Variants in SULT2B1 observed in about 807,000 individuals in gnomAD.
The protein encoded by SULT2B1 is sulfotransferase 2B1.
In SULT2B1, 16 loss-of-function variants were observed where a neutral mutation model predicts 33.2. That is an observed-to-expected ratio of 0.48 (90% CI 0.33 to 0.73). The LOEUF (loss-of-function observed/expected upper bound fraction) is 0.73. SULT2B1 is among the 30% of genes least tolerant of loss of function. SULT2B1 has a pLI of 0.02. For missense variants in SULT2B1, 500 were observed against 506.0 expected, an observed-to-expected ratio of 0.99 and a Z score of 0.11; for synonymous variants, 186 against 200.5, an observed-to-expected ratio of 0.93 and a Z score of 0.61.
rs1555734562 is a variant in SULT2B1 at position 48,587,118 on chromosome 19, A to AAT, written c.215-110_215-109insTA. On this transcript the variant is annotated intron_variant, in intron 2 of 6. Transcript: ENST00000201586. The stretch of plus-strand genomic sequence containing the variant: ...CAGAGTAAGACTCTGTCTTAAAAAA[A>AAT]AATAATAAAAGGTGGCAAATTGCTC... 9.2e-3 allele frequency: 7,759 copies of AAT among 841,668 alleles called. 209 individuals are homozygous for AAT. The highest frequency in any genetic ancestry group is 0.075 in the African/African-American group (4,352 of 57,966). The allele number at this position is 841,668 out of a possible 1,614,324, so 52.1% of individuals were successfully genotyped here.
intron 1 of SULT2B1, among the ~76,000 whole-genome samples, chr19:48,558,144 C>T (rs909774124): frequency 1.3e-5 from 2 of 152,102 alleles, no homozygotes; most frequent in Non-Finnish European, 2.9e-5. Context: ...TAACTACTAT[C>T]ATCCCCTGTA....
chr19:48,554,398 T>G (rs1388018008), intron 1 of SULT2B1, among the ~76,000 whole-genome samples: 4 of 132,354 alleles, frequency 3.0e-5, no homozygotes, highest in East Asian at 2.2e-4. Flanking sequence ...TGGCCCCGAC[T>G]TCCCCCTCTG....
intron 3 of SULT2B1, among the ~76,000 whole-genome samples, chr19:48,589,429 G>A (rs1973614357): frequency 6.6e-6 from 1 of 152,138 alleles, no homozygotes; most frequent in Admixed American, 6.6e-5. Flanking sequence ...TGAGGGGAGA[G>A]ACTTGGGCTG....
At chr19:48,596,481 C>A (rs112059950) in intron 5 of SULT2B1, 4 of 344,782 alleles carry the variant, frequency 1.2e-5, no homozygotes, top group African/African-American at 9.2e-5. Context: ...CCTGCTGTGA[C>A]CTCTGCCCCC....
chr19:48,562,501 G>A (rs545620491), intron 1 of SULT2B1, among the ~76,000 whole-genome samples: 5 of 151,044 alleles, frequency 3.3e-5, no homozygotes, highest in African/African-American at 7.3e-5. Context: ...GCAGTGAGCC[G>A]AGATCACACC....
chr19:48,558,345 G>A (rs1285820038), intron 1 of SULT2B1, among the ~76,000 whole-genome samples: 1 of 152,130 alleles, frequency 6.6e-6, no homozygotes, highest in Non-Finnish European at 1.5e-5. Flanking sequence ...GTTAGCAGGC[G>A]CTCTGCGGTT....
intron 3 of SULT2B1, among the ~76,000 whole-genome samples, chr19:48,588,778 C>T (rs1156683347): frequency 6.6e-6 from 1 of 151,502 alleles, no homozygotes; most frequent in Non-Finnish European, 1.5e-5. Context: ...ATGGTGGGAG[C>T]CACAGAGGTT....
intron 2 of SULT2B1, among the ~76,000 whole-genome samples, chr19:48,580,430 T>G (rs986895255): frequency 6.6e-6 from 1 of 151,998 alleles, no homozygotes; most frequent in African/African-American, 2.4e-5. Context: ...CAGCTAATTT[T>G]TGTATTTTTA....
At chr19:48,561,566 C>T (rs931375378) in intron 1 of SULT2B1, among the ~76,000 whole-genome samples, 1 of 152,056 alleles carries the variant, frequency 6.6e-6, no homozygotes, top group Non-Finnish European at 1.5e-5. Context: ...TGAAGAGCCC[C>T]AGGCGACAGG....
At chr19:48,578,072 G>T (rs988479442) in intron 2 of SULT2B1, among the ~76,000 whole-genome samples, 1 of 151,614 alleles carries the variant, frequency 6.6e-6, no homozygotes, top group South Asian at 2.1e-4. Flanking sequence ...AATTAGCCAG[G>T]CGTGGTGGTG....
At chr19:48,554,736 T>C (rs1457817084) in intron 1 of SULT2B1, among the ~76,000 whole-genome samples, 1 of 131,288 alleles carries the variant, frequency 7.6e-6, no homozygotes, top group African/African-American at 2.8e-5. Context: ...CGATCTCGGC[T>C]CACTGCAACC....
At chr19:48,555,590 T>TCTCTCTCTC (rs60898646) in intron 1 of SULT2B1, among the ~76,000 whole-genome samples, 16 of 96,478 alleles carry the variant, frequency 1.7e-4, no homozygotes, top group African/African-American at 7.6e-4. Context: ...CTCTCTCTCT[T>TCTCTCTCTC]TTGAGACAGA....
At chr19:48,584,386 T>G (rs1243903414) in intron 2 of SULT2B1, among the ~76,000 whole-genome samples, 1 of 152,142 alleles carries the variant, frequency 6.6e-6, no homozygotes, top group Non-Finnish European at 1.5e-5. Flanking sequence ...CCCCTGTCCA[T>G]CACAAGATCC....
chr19:48,564,968 T>C (rs1973226833), intron 1 of SULT2B1, among the ~76,000 whole-genome samples: 1 of 151,974 alleles, frequency 6.6e-6, no homozygotes, highest in Admixed American at 6.6e-5. Context: ...TTTTTGTATT[T>C]TTAGTACAGA....
chr19:48,583,774 C>A (rs914705304), intron 2 of SULT2B1, among the ~76,000 whole-genome samples: 1 of 151,598 alleles, frequency 6.6e-6, no homozygotes, highest in Non-Finnish European at 1.5e-5. Context: ...GTGGAGATTG[C>A]GCCACTGCAC....
chr19:48,571,892 C>T (rs1433347791), intron 1 of SULT2B1, among the ~76,000 whole-genome samples: 1 of 152,094 alleles, frequency 6.6e-6, no homozygotes, highest in Non-Finnish European at 1.5e-5. Flanking sequence ...GGACAAGAGG[C>T]ATGAGGCACC....
chr19:48,591,731 C>T lies in SULT2B1; in HGVS notation c.546C>T (p.Gly182=), dbSNP rs746998782. Reference sequence around the variant, plus strand: ...AGTTCCTGAGGGACTTCCTCAAAGGCGAAGGTGGGGACAGGGTAAAGCGGG... The same window carrying T: ...AGTTCCTGAGGGACTTCCTCAAAGGTGAAGGTGGGGACAGGGTAAAGCGGG... ...PDQFLRDFLK[G]EVQFGSWFDH... is the part of the protein sequence containing the mutation. Residue 182 remains glycine (G), a synonymous_variant, in exon 4 of 7, where the codon GGC becomes GGT. Coordinates refer to ENST00000201586, the MANE Select transcript of SULT2B1 (RefSeq NM_177973.2). 13 of 1,589,612 alleles carry T rather than the reference C, an allele frequency of 8.2e-6. No homozygotes were observed. Among genetic ancestry groups the T allele is most frequent in the African/African-American group, 1.3e-5 (1 of 74,082 alleles).
Position 48,576,357 on chromosome 19 carries a change from C to CTTTTCTTTTTT in SULT2B1, c.214+275_214+276insTTTCTTTTTTT, listed in dbSNP as rs59055065. ...TCCCTTTCCCCTTTACCCTCTACTT[C>CTTTTCTTTTTT]TCTTTTTTTTTTTTTTTTTTGTAGA... On this transcript the variant is annotated intron_variant, in intron 2 of 6. Transcript: ENST00000201586. Among the ~76,000 whole-genome samples the CTTTTCTTTTTT allele has an allele frequency of 7.1e-3, 816 of 114,816 alleles. 45 individuals carry two copies. Among genetic ancestry groups the CTTTTCTTTTTT allele is most frequent in the Non-Finnish European group, 7.8e-3 (454 of 58,402 alleles). 75.3% of individuals were successfully genotyped at this position (114,816 alleles called of 152,430 possible).
chr19:48,581,967 C>A (rs1456446378), intron 2 of SULT2B1, among the ~76,000 whole-genome samples: 1 of 150,834 alleles, frequency 6.6e-6, no homozygotes, highest in Non-Finnish European at 1.5e-5. Flanking sequence ...TGTAGTGGTG[C>A]CATCTTGGCT....
Sources: gnomAD v4.1 joint callset for allele counts (sites outside exome capture counted in the v4.1 genomes callset) on GRCh38, gnomAD v4.1.1 for gene constraint, MANE v1.5 for transcripts, NCBI Gene and HGNC (gene_info 2026-07-23, HGNC 2026-07-21) for gene names.